OCA2: variants seen among roughly 807,000 people sequenced by gnomAD.
The protein encoded by OCA2 is OCA2 melanosomal transmembrane protein, also known as P protein.
Under a neutral mutation model 100.2 loss-of-function variants are expected in OCA2, and 77 were observed. That is an observed-to-expected ratio of 0.77 (90% confidence interval 0.64 to 0.93). The LOEUF is 0.93. Ranked by LOEUF, OCA2 falls within the 40% of genes least tolerant of loss-of-function variation. The probability of loss-of-function intolerance (pLI) is 0.00; values close to 1 mark genes in which losing one functional copy is unlikely to be tolerated. For missense variants in OCA2, 1,062 were observed against 1,089.1 expected (o/e 0.98, Z 0.35); for synonymous variants, 432 against 439.2 (o/e 0.98, Z 0.21).
chr15:27,977,997 A>G (rs2041025179), intron 14 of OCA2, among the ~76,000 whole-genome samples: 1 of 152,212 alleles, frequency 6.6e-6, no homozygotes, highest in South Asian at 2.1e-4. Flanking sequence ...TGGTTATCGC[A>G]TTCCAAGCTG....
At chr15:27,844,664 A>C (rs1231825333) in intron 23 of OCA2, among the ~76,000 whole-genome samples, 1 of 152,002 alleles carries the variant, frequency 6.6e-6, no homozygotes, top group Non-Finnish European at 1.5e-5. Context: ...ATGCCCAGCT[A>C]ATTTTTTTTG....
At chr15:27,954,144 C>T (rs2040135428) in intron 17 of OCA2, among the ~76,000 whole-genome samples, 1 of 148,208 alleles carries the variant, frequency 6.7e-6, no homozygotes, top group South Asian at 2.1e-4. Context: ...CACACACACA[C>T]ACACACACAC....
intron 19 of OCA2, among the ~76,000 whole-genome samples, chr15:27,916,594 C>T (rs2038672966): frequency 6.6e-6 from 1 of 152,142 alleles, no homozygotes; most frequent in African/African-American, 2.4e-5. Context: ...TCTAAATCTG[C>T]AGAAACATGC....
At chr15:27,763,929 G>T (rs781094443) in intron 23 of OCA2, among the ~76,000 whole-genome samples, 26 of 152,136 alleles carry the variant, frequency 1.7e-4, no homozygotes, top group Non-Finnish European at 3.1e-4. Flanking sequence ...CCAGGCCAAG[G>T]CCAACACTGC....
chr15:27,742,779 C>T, the OCA2 span, among the ~76,000 whole-genome samples: 1 of 152,180 alleles, frequency 6.6e-6, no homozygotes, highest in African/African-American at 2.4e-5. Context: ...TTAGTCCACA[C>T]ACAGCTTGTT....
At chr15:27,802,465 A>G (rs1344438075) in intron 23 of OCA2, among the ~76,000 whole-genome samples, 2 of 152,148 alleles carry the variant, frequency 1.3e-5, no homozygotes, top group Admixed American at 6.5e-5. Context: ...TAAAATTCAT[A>G]TGGAAATGCA....
rs1381397345 is a variant in OCA2 at position 27,957,701 on chromosome 15, A to G, written c.1671T>C (p.Thr557=). 6.2e-7 allele frequency: 1 copy of G among 1,613,156 alleles called. No homozygotes were observed. The highest frequency in any genetic ancestry group is 1.3e-5 in the African/African-American group (1 of 75,058). Residue 557 remains threonine (T), a synonymous_variant, in exon 16 of 24, where the codon ACT becomes ACC. Transcript: ENST00000354638. The surrounding 1 kb of genome is among the most constrained non-coding windows in gnomAD (Gnocchi z 4.3). ...LKHEIHVWRL[T]AQRISPASRE... ...GGCTGGCCGGGCTGATGCGCTGAGC[A>G]GTCAGGCGCCAGACGTGAATCTCGT...
At chr15:27,802,705 C>T (rs1244993352) in intron 23 of OCA2, among the ~76,000 whole-genome samples, 22 of 152,076 alleles carry the variant, frequency 1.4e-4, no homozygotes, top group Non-Finnish European at 2.9e-4. Context: ...ACTGGACACC[C>T]AAATACCCCT....
intron 1 of OCA2, among the ~76,000 whole-genome samples, chr15:28,095,085 A>G (rs1218612956): frequency 2.0e-5 from 3 of 152,346 alleles, no homozygotes; most frequent in South Asian, 2.1e-4. Context: ...CCGGCGCTCA[A>G]GCTAGGCCGG....
At chr15:27,875,362 T>C (rs72710562) in intron 19 of OCA2, among the ~76,000 whole-genome samples, 38,737 of 152,054 alleles carry the variant, frequency 0.25, 5,818 homozygotes, top group East Asian at 0.56. Context: ...TTCTGTTCCC[T>C]TAATCTATAT....
chr15:27,830,566 C>A (rs1249075513), intron 23 of OCA2, among the ~76,000 whole-genome samples: 1 of 151,822 alleles, frequency 6.6e-6, no homozygotes, highest in Non-Finnish European at 1.5e-5. Flanking sequence ...GAGTAAAAGG[C>A]CAAAAGTCTC....
At chr15:27,856,292 C>A (rs1177239448) in intron 21 of OCA2, among the ~76,000 whole-genome samples, 1 of 152,156 alleles carries the variant, frequency 6.6e-6, no homozygotes, top group African/African-American at 2.4e-5. Context: ...GGGTTAGGAC[C>A]TCAGTATATG....
intron 2 of OCA2, among the ~76,000 whole-genome samples, chr15:28,059,198 G>A (rs7162117): frequency 0.097 from 14,772 of 152,234 alleles, 850 homozygotes; most frequent in African/African-American, 0.16. Flanking sequence ...CTGAGAAGGT[G>A]AAGGCTGGCC....
chr15:27,972,828 A>C (rs28795193), intron 14 of OCA2, among the ~76,000 whole-genome samples: 78,020 of 113,002 alleles, frequency 0.69, 26,777 homozygotes, highest in Non-Finnish European at 0.8. Context: ...TGGTTATTTT[A>C]TTTTATTTTA....
intron 19 of OCA2, among the ~76,000 whole-genome samples, chr15:27,907,345 A>G (rs1024328409): frequency 1.3e-5 from 2 of 152,230 alleles, no homozygotes; most frequent in African/African-American, 4.8e-5. Context: ...TGATGAAAAC[A>G]CTACATATCA....
intron 19 of OCA2, among the ~76,000 whole-genome samples, chr15:27,888,938 G>A (rs2037343914): frequency 6.6e-6 from 1 of 152,116 alleles, no homozygotes; most frequent in South Asian, 2.1e-4. Flanking sequence ...CTCATGTGAG[G>A]AAGCAGTTTG....
rs2141898283 is a variant in OCA2, at chr15:28,081,793, G to C, written c.82C>G (p.Leu28Val). ...CGCTTGCCGGCCACAAGTTCAGCGAGTCCGCTGGGCACGGACGTCTGCAGG... is the reference window on the plus strand; with the variant it reads ...CGCTTGCCGGCCACAAGTTCAGCGACTCCGCTGGGCACGGACGTCTGCAGG... ...ELLQTSVPSG[L>V]AELVAGKRRL... is the part of the protein sequence containing the mutation. Residue 28 changes from leucine (L) to valine (V), a missense_variant, in exon 2 of 24, where the codon CTC becomes GTC. Coordinates refer to ENST00000354638, the MANE Select transcript of OCA2 (RefSeq NM_000275.3). The C allele has an allele frequency of 2.5e-6, 4 of 1,612,950 alleles. No individual in the cohort carries two copies. The East Asian group carries it at 8.9e-5, about 36-fold the overall frequency.
rs779114740 is a variant in OCA2 at position 28,081,810 on chromosome 15, G to A, written c.65C>T (p.Thr22Met). ...PGAPAVELLQ[T>M]SVPSGLAELV... ...TTCAGCGAGTCCGCTGGGCACGGAC[G>A]TCTGCAGGAGCTCCACCGCCGGCGC... Residue 22 changes from threonine (T) to methionine (M), a missense_variant, in exon 2 of 24, where the codon ACG (threonine) becomes ATG (methionine). Coordinates refer to ENST00000354638, the MANE Select transcript of OCA2 (RefSeq NM_000275.3). 27 of 1,612,266 alleles carry A rather than the reference G, an allele frequency of 1.7e-5. No homozygotes were observed. The East Asian group carries it at 3.8e-4, about 23-fold the overall frequency.
intron 2 of OCA2, among the ~76,000 whole-genome samples, chr15:28,073,196 C>G (rs4778234): frequency 0.055 from 8,391 of 152,130 alleles, 734 homozygotes; most frequent in African/African-American, 0.19. Context: ...GGCGGATCAC[C>G]TGAGGTCAGG....
Sources: allele counts gnomAD v4.1 joint callset (sites outside exome capture counted in the v4.1 genomes callset), GRCh38; gene constraint gnomAD v4.1.1; non-coding constraint Gnocchi (gnomAD v3.1); transcripts MANE v1.5; gene names NCBI Gene and HGNC (gene_info 2026-07-23, HGNC 2026-07-21).